Variants in KMT2D observed in about 807,000 individuals in gnomAD.
KMT2D encodes lysine methyltransferase 2D.
Under a neutral mutation model 512.7 loss-of-function variants are expected in KMT2D, and 55 were observed. That is an observed-to-expected ratio of 0.11 (90% CI 0.09 to 0.13). The LOEUF (loss-of-function observed/expected upper bound fraction) is 0.13, where lower values mean the gene tolerates loss of function less well. Ranked by LOEUF, KMT2D falls within the 10% of genes least tolerant of loss-of-function variation. The probability of loss-of-function intolerance (pLI) is 1.00; values close to 1 mark genes in which losing one functional copy is unlikely to be tolerated. For synonymous variants in KMT2D, 2,995 were observed against 2,904.0 expected (o/e 1.03, Z -1.01); for missense variants, 6,061 against 7,127.9 (o/e 0.85, Z 5.39).
chr12:49,026,351 G>A lies in KMT2D; in HGVS notation c.15615C>T (p.Leu5205=), dbSNP rs1445009547. Residue 5205 remains leucine (L), a synonymous_variant, in exon 49 of 55, where the codon CTC becomes CTT. Coordinates refer to ENST00000301067, the MANE Select transcript of KMT2D (RefSeq NM_003482.4). This position sits in a 1 kb window ranked among gnomAD's most constrained non-coding sequence, Gnocchi z 9.6. ...QMADFHSATA[L]YPVGYEATRI... ...GCGTGGCCTCGTAGCCCACGGGATA[G>A]AGGGCAGTGGCACTATGAAAGTCAG... The A allele has an allele frequency of 6.2e-7, 1 of 1,612,654 alleles. No individual in the cohort carries two copies. Among genetic ancestry groups the A allele is most frequent in the Non-Finnish European group, 8.5e-7 (1 of 1,178,688 alleles).
intron 45 of KMT2D, 30 bp downstream of exon 45, chr12:49,029,031 G>A (rs2120390013): frequency 2.5e-6 from 4 of 1,604,728 alleles, no homozygotes; most frequent in Non-Finnish European, 3.4e-6. Flanking sequence ...AGGTGAACTG[G>A]GCCTGGCCCA....
At position 49,044,336 on chromosome 12, in the gene KMT2D, C is replaced by T. The variant is rs763631881; in HGVS notation, c.5084-32G>A. ...GGAGGCAGAGTTGTGGATGAGAAGC[C>T]GCTGGGGGACCTATTGAGCTGCCCC... On this transcript the variant is annotated intron_variant, in intron 21 of 54. Transcript: ENST00000301067. The surrounding 1 kb of genome is among the most constrained non-coding windows in gnomAD (Gnocchi z 6.4). 4.3e-6 allele frequency: 7 copies of T among 1,613,636 alleles called. No individual in the cohort carries two copies. Among genetic ancestry groups the T allele is most frequent in the Admixed American group, 1.7e-5 (1 of 59,982 alleles).
chr12:49,019,139 A>G lies in KMT2D; in HGVS notation c.*2641T>C, dbSNP rs1592093352. 18 of 1,135,388 alleles carry G rather than the reference A, an allele frequency of 1.6e-5. No homozygotes were observed. The East Asian group carries it at 6.8e-4, about 43-fold the overall frequency. 70.3% of individuals were successfully genotyped at this position (1,135,388 alleles called of 1,614,324 possible). A position where few individuals can be genotyped will look rare whatever the true frequency, so the allele number is the denominator to read the frequency against. On this transcript the variant is annotated 3_prime_UTR_variant, in exon 55 of 55. Coordinates refer to ENST00000301067, the MANE Select transcript of KMT2D (RefSeq NM_003482.4). ...AGGGGCGCTGAGGGTGGAGGGAGAGAGGGCGCTTTAAAAAAGGGAACCATT... is the reference window on the plus strand; with the variant it reads ...AGGGGCGCTGAGGGTGGAGGGAGAGGGGGCGCTTTAAAAAAGGGAACCATT...
At chr12:49,031,067 C>T (rs1565770817) in intron 40 of KMT2D, 34 bp from the exon 41 acceptor site, 1 of 1,613,122 alleles carries the variant, frequency 6.2e-7, no homozygotes, top group Admixed American at 1.7e-5. Flanking sequence ...GGCTGCTACC[C>T]TCCTCCTCAG....
rs751707229 is a variant in KMT2D at position 49,040,153 on chromosome 12, A to G, written c.7617T>C (p.Pro2539=). ...TTAGGGAAGGCTCCCCTACTGCCTG[A>G]GGGAAAGTGAAACGCATGGGAGAGG... ...GTPSPMRFTF[P]QAVGEPSLKP... Residue 2539 remains proline, a synonymous_variant, in exon 32 of 55, where the codon CCT becomes CCC. Transcript: ENST00000301067. 6 of 1,613,730 alleles carry G rather than the reference A, an allele frequency of 3.7e-6. No individual in the cohort carries two copies. The African/African-American group carries it at 4.0e-5, about 11-fold the overall frequency.
chr12:49,049,081 G>C, intron 13 of KMT2D, 24 bp downstream of exon 13: 1 of 1,426,664 alleles, frequency 7.0e-7, no homozygotes, highest in Non-Finnish European at 9.8e-7. Flanking sequence ...TGGGGGATGG[G>C]AGGAATAGGA....
In KMT2D at chr12:49,054,607, C is replaced by T; in HGVS notation, c.321G>A (p.Glu107=). The change falls in exon 4 of 55, where the codon GAG becomes GAA. Residue 107 remains glutamate (E), a synonymous_variant. Coordinates refer to ENST00000301067, the MANE Select transcript of KMT2D (RefSeq NM_003482.4). The surrounding 1 kb of genome is among the most constrained non-coding windows in gnomAD (Gnocchi z 6.4). ...VSPGGSPGPN[E]AVLPSEDLSQ... is the part of the protein sequence containing the mutation. ...ATAGGTCCTCACTGGGCAGCACTGC[C>T]TCATTGGGCCCTGGGCTCCCCCCAG... The T allele has an allele frequency of 1.2e-6, 2 of 1,613,350 alleles. No individual in the cohort carries two copies. Among genetic ancestry groups the T allele is most frequent in the Non-Finnish European group, 8.5e-7 (1 of 1,179,600 alleles).
chr12:49,039,536 C>T lies in KMT2D; in HGVS notation c.8128G>A (p.Ala2710Thr), dbSNP rs2120512567. The change falls in exon 33 of 55, where the codon GCT (alanine) becomes ACT (threonine). Residue 2710 changes from alanine (A) to threonine (T), a missense_variant. Physicochemically the swap from Ala to Thr is moderately conservative, Grantham distance 58. Around this residue, in one of 16 missense-constraint regions of KMT2D, gnomAD observed 527 missense variants for 578.9 expected, o/e 0.91. Coordinates refer to ENST00000301067, the MANE Select transcript of KMT2D (RefSeq NM_003482.4). The surrounding 1 kb of genome is among the most constrained non-coding windows in gnomAD (Gnocchi z 5.0). ...LRQEKETAAAAAGAVGPPGSW... is the reference protein window; with the variant it reads ...LRQEKETAAATAGAVGPPGSW... ...CCTGGAGGCCCCACTGCTCCTGCAG[C>T]TGCTGCAGCTGTTTCCTTCTCCTGC... The T allele has an allele frequency of 6.2e-7, 1 of 1,612,110 alleles. No homozygotes were observed. Among genetic ancestry groups the T allele is most frequent in the Non-Finnish European group, 8.5e-7 (1 of 1,179,464 alleles).
At position 49,033,493 on chromosome 12, in the gene KMT2D, G is replaced by C; in HGVS notation, c.11212C>G (p.Gln3738Glu). ...TGCTGCTGCTGCTGTTGCTGCTGCT[G>C]CTGCTGCTGCAGTTTCTGGGCCAGC... ...MQLAQKLQQQ[Q>E]QQQQQQQHLL... The change falls in exon 40 of 55, where the codon CAG becomes GAG. Residue 3738 changes from glutamine (Q) to glutamate (E), a missense_variant. Coordinates refer to ENST00000301067, the MANE Select transcript of KMT2D (RefSeq NM_003482.4). 6.2e-7 allele frequency: 1 copy of C among 1,613,210 alleles called. No homozygotes were observed. The highest frequency in any genetic ancestry group is 1.1e-5 in the South Asian group (1 of 91,056).
rs773206697 is a variant in KMT2D, at chr12:49,044,819, C to G, written c.4888G>C (p.Glu1630Gln). The change falls in exon 20 of 55, where the codon GAG (glutamate) becomes CAG (glutamine). Residue 1630 changes from glutamate (E) to glutamine (Q), a missense_variant. Around this residue, in one of 16 missense-constraint regions of KMT2D, gnomAD observed 640 missense variants for 814.3 expected, o/e 0.79. Transcript: ENST00000301067. This position sits in a 1 kb window ranked among gnomAD's most constrained non-coding sequence, Gnocchi z 6.4. ...TCAGGGCCAAGGGCATCTGAGGGCTCAGAACCCTCCAATCCTGCCTCGCCT... is the reference window on the plus strand; with the variant it reads ...TCAGGGCCAAGGGCATCTGAGGGCTGAGAACCCTCCAATCCTGCCTCGCCT... ...LPGEAGLEGSEPSDALGPDDK... is the reference protein window; with the variant it reads ...LPGEAGLEGSQPSDALGPDDK... 1.2e-6 allele frequency: 2 copies of G among 1,614,044 alleles called. No individual in the cohort carries two copies. The highest frequency in any genetic ancestry group is 2.2e-5 in the South Asian group (2 of 91,086).
rs1943505846 is a variant in KMT2D, at chr12:49,041,168, C to T, written c.6602G>A (p.Ser2201Asn). Residue 2201 changes from serine (S) to asparagine (N), a missense_variant, in exon 32 of 55, where the codon AGT becomes AAT. Ser to Asn is a conservative substitution (Grantham distance 46, BLOSUM62 1). Coordinates refer to ENST00000301067, the MANE Select transcript of KMT2D (RefSeq NM_003482.4). The surrounding 1 kb of genome is among the most constrained non-coding windows in gnomAD (Gnocchi z 5.4). The stretch of plus-strand genomic sequence containing the variant: ...GGGCTGCGCAGGGGCCCCCGTAGGA[C>T]TAGGATAGGGGGGATAGGTGGGCGG... ...TAPPTYPPYP[S>N]PTGAPAQPPM... The T allele has an allele frequency of 6.6e-7, 1 of 1,520,756 alleles. No homozygotes were observed. Among genetic ancestry groups the T allele is most frequent in the Non-Finnish European group, 8.8e-7 (1 of 1,137,634 alleles). 94.2% of individuals were successfully genotyped at this position (1,520,756 alleles called of 1,614,324 possible). A position where few individuals can be genotyped will look rare whatever the true frequency, so the allele number is the denominator to read the frequency against.
In KMT2D at chr12:49,044,804, G is replaced by A. The variant is rs373445112; in HGVS notation, c.4903C>T (p.Leu1635Phe). 3.4e-5 allele frequency: 55 copies of A among 1,613,956 alleles called. No homozygotes were observed. The highest frequency in any genetic ancestry group is 4.6e-5 in the Non-Finnish European group (54 of 1,179,920). The change falls in exon 20 of 55, where the codon CTT (leucine) becomes TTT (phenylalanine). Residue 1635 changes from leucine (L) to phenylalanine (F), a missense_variant. This residue lies in a region of KMT2D where 640 missense variants were observed against 814.3 expected (regional missense o/e 0.79). Transcript: ENST00000301067. This position sits in a 1 kb window ranked among gnomAD's most constrained non-coding sequence, Gnocchi z 6.4. ...GLEGSEPSDA[L>F]GPDDKKDGDL... ...CCATCCTTCTTGTCATCAGGGCCAA[G>A]GGCATCTGAGGGCTCAGAACCCTCC...
In KMT2D at chr12:49,049,384, G is replaced by A. The variant is rs74652999; in HGVS notation, c.3907-166C>T. ...GCCAAACTCCCAGATATCAACAAGC[G>A]CATAGCTCTAGCCCAAACCCATTCT... On this transcript the variant is annotated intron_variant, in intron 12 of 54. Transcript: ENST00000301067. Among the ~76,000 whole-genome samples the A allele has an allele frequency of 2.4e-3, 364 of 152,286 alleles. 4 individuals carry two copies. The highest frequency in any genetic ancestry group is 8.4e-3 in the African/African-American group (351 of 41,552).
In KMT2D at chr12:49,029,453, C is replaced by G. The variant is rs1159188258; in HGVS notation, c.14023G>C (p.Asp4675His). The G allele has an allele frequency of 6.4e-7, 1 of 1,556,470 alleles. No individual in the cohort carries two copies. Among genetic ancestry groups the G allele is most frequent in the African/African-American group, 1.4e-5 (1 of 73,292 alleles). Reference protein sequence around the residue: ...LRDTSEVKSLDLLAALPTPPH... With the variant: ...LRDTSEVKSLHLLAALPTPPH... Reference sequence around the variant, plus strand: ...GGTGTAGGCAAGGCAGCCAGCAGGTCTAGACTCTTCACCTCTGAAGTATCT... The same window carrying G: ...GGTGTAGGCAAGGCAGCCAGCAGGTGTAGACTCTTCACCTCTGAAGTATCT... The change falls in exon 44 of 55, where the codon GAC becomes CAC. Residue 4675 changes from aspartate to histidine, a missense_variant. Physicochemically the swap from Asp to His is moderately conservative, Grantham distance 81. Coordinates refer to ENST00000301067, the MANE Select transcript of KMT2D (RefSeq NM_003482.4).
chr12:49,026,865 A>G lies in KMT2D; in HGVS notation c.15101T>C (p.Phe5034Ser), dbSNP rs1378773538. The change falls in exon 49 of 55, where the codon TTC (phenylalanine) becomes TCC (serine). Residue 5034 changes from phenylalanine to serine, a missense_variant. By Grantham distance (155) the Phe-to-Ser change is radical (BLOSUM62 -2). Coordinates refer to ENST00000301067, the MANE Select transcript of KMT2D (RefSeq NM_003482.4). This position sits in a 1 kb window ranked among gnomAD's most constrained non-coding sequence, Gnocchi z 9.6. ...GGCCCCGTCACCCTCCTCATGACAG[A>G]AACAGCAGCGACGCATGTCTCGCGG... is the stretch of plus-strand genomic sequence containing the variant. Reference protein sequence around the residue: ...KVPRDMRRCCFCHEEGDGATD... With the variant: ...KVPRDMRRCCSCHEEGDGATD... 1 of 1,613,866 alleles carries G rather than the reference A, an allele frequency of 6.2e-7. No individual in the cohort carries two copies. The highest frequency in any genetic ancestry group is 8.5e-7 in the Non-Finnish European group (1 of 1,179,900).
In KMT2D at chr12:49,030,314, A is replaced by G; in HGVS notation, c.13965T>C (p.Ala4655=). The stretch of plus-strand genomic sequence containing the variant: ...CCCTTTCACTATCCCGGGCAGAGGC[A>G]GCATCCTTGGGGTGCTCCCCCAGCT... The part of the protein sequence containing the change: ...SEELGEHPKD[A]ASARDSERAL... Residue 4655 remains alanine, a synonymous_variant, in exon 43 of 55, where the codon GCT becomes GCC. Coordinates refer to ENST00000301067, the MANE Select transcript of KMT2D (RefSeq NM_003482.4). 2 of 1,602,078 alleles carry G rather than the reference A, an allele frequency of 1.2e-6. No homozygotes were observed. The highest frequency in any genetic ancestry group is 2.2e-5 in the South Asian group (2 of 89,084).
At chr12:49,058,856 G>A (rs1453086127) in intron 1 of KMT2D, among the ~76,000 whole-genome samples, 1 of 152,126 alleles carries the variant, frequency 6.6e-6, no homozygotes, top group African/African-American at 2.4e-5. Flanking sequence ...ACATTCGCAG[G>A]GAGCAAATCT....
chr12:49,050,796 AG>A lies in KMT2D; in HGVS notation c.2798-7del, dbSNP rs112620957. The A allele has an allele frequency of 6.1e-4, 975 of 1,594,394 alleles. 11 individuals are homozygous for A. The African/African-American group carries it at 0.011, about 18-fold the overall frequency. On this transcript the variant is annotated splice_region_variant and splice_polypyrimidine_tract_variant and intron_variant, in intron 11 of 54. Coordinates refer to ENST00000301067, the MANE Select transcript of KMT2D (RefSeq NM_003482.4). ...GAGTGGAGGAGGAAGGGGATCTGGA[AG>A]GAAAGAGAAAAAAGAAGGGCTCTTA...
chr12:49,047,709 C>T (rs1277788302), intron 15 of KMT2D, among the ~76,000 whole-genome samples: 9 of 152,102 alleles, frequency 5.9e-5, no homozygotes, highest in Admixed American at 5.2e-4. Flanking sequence ...TGGGAGCCAC[C>T]ATGCCCAGCC....
Sources: gnomAD v4.1 joint callset for allele counts (sites outside exome capture counted in the v4.1 genomes callset) on GRCh38, gnomAD v4.1.1 for gene constraint, gnomAD v4.1.1 regional missense constraint, Gnocchi (gnomAD v3.1) non-coding constraint, MANE v1.5 for transcripts, NCBI Gene and HGNC (gene_info 2026-07-23, HGNC 2026-07-21) for gene names.